FNBP1: variants seen among roughly 807,000 people sequenced by gnomAD.
FNBP1 encodes formin binding protein 1, also known as formin-binding protein 1.
A neutral mutation model predicts 90.6 loss-of-function variants in FNBP1; 26 were observed. That is an observed-to-expected ratio of 0.29 (90% confidence interval 0.21 to 0.40). The LOEUF is 0.40. Among genes scored for constraint, FNBP1 ranks in the 10% least tolerant of loss-of-function variants. FNBP1 has a pLI of 1.00. For missense variants in FNBP1, 635 were observed against 768.0 expected (o/e 0.83, Z 2.05); for synonymous variants, 260 against 265.2 (o/e 0.98, Z 0.19).
intron 1 of FNBP1, among the ~76,000 whole-genome samples, chr9:130,023,400 G>A (rs73672536): frequency 0.019 from 2,869 of 152,298 alleles, 102 homozygotes; most frequent in African/African-American, 0.066. Flanking sequence ...TTTAGAGAGA[G>A]CCAGGAGGTC....
intron 11 of FNBP1, among the ~76,000 whole-genome samples, chr9:129,913,140 G>A (rs905836526): frequency 3.3e-5 from 5 of 152,048 alleles, no homozygotes; most frequent in Non-Finnish European, 5.9e-5. Flanking sequence ...CCCGGGAGGC[G>A]GAGGATGCAG....
At chr9:129,970,024 G>A (rs1322056825) in intron 4 of FNBP1, among the ~76,000 whole-genome samples, 1 of 150,306 alleles carries the variant, frequency 6.7e-6, no homozygotes, top group East Asian at 1.9e-4. Flanking sequence ...GAGTAGCTGG[G>A]ACTACAGGCA....
chr9:129,905,549 A>G (rs1324513351), intron 12 of FNBP1, among the ~76,000 whole-genome samples: 1 of 151,914 alleles, frequency 6.6e-6, no homozygotes, highest in Non-Finnish European at 1.5e-5. Flanking sequence ...ACCTCAGATG[A>G]TCCACCCACC....
intron 10 of FNBP1, among the ~76,000 whole-genome samples, chr9:129,920,008 T>A (rs1312919443): frequency 2.6e-5 from 4 of 152,328 alleles, no homozygotes; most frequent in African/African-American, 9.6e-5. Flanking sequence ...TTTTTTGCAC[T>A]GCTATGTCCT....
chr9:129,897,645 G>C (rs1323801269), intron 15 of FNBP1, among the ~76,000 whole-genome samples: 1 of 151,856 alleles, frequency 6.6e-6, no homozygotes, highest in Non-Finnish European at 1.5e-5. Flanking sequence ...GCCTAGGCTG[G>C]AGTGCAGTGG....
intron 11 of FNBP1, among the ~76,000 whole-genome samples, chr9:129,912,410 C>CA (rs1460197028): frequency 6.6e-6 from 1 of 152,122 alleles, no homozygotes; most frequent in Non-Finnish European, 1.5e-5. Flanking sequence ...AAATCTAGGC[C>CA]AGGCGCGGTA....
intron 1 of FNBP1, among the ~76,000 whole-genome samples, chr9:130,038,949 GAACT>G (rs2059590179): frequency 6.6e-6 from 1 of 151,988 alleles, no homozygotes; most frequent in Admixed American, 6.6e-5. Context: ...ATAAAAAGCT[GAACT>G]AACACTTCAG....
At chr9:129,927,416 T>TA in intron 7 of FNBP1, 75 bp from the exon 8 acceptor site, 1 of 1,439,204 alleles carries the variant, frequency 6.9e-7, no homozygotes, top group Non-Finnish European at 9.6e-7. Flanking sequence ...GCAGCATTGT[T>TA]ACCTCTAACA....
intron 16 of FNBP1, chr9:129,895,345 G>A: frequency 1.9e-6 from 2 of 1,066,766 alleles, no homozygotes; most frequent in Non-Finnish European, 2.3e-6. Context: ...CCAAGTGAAT[G>A]AGTATACAAT....
chr9:130,034,015 CAA>C (rs369731296), intron 1 of FNBP1, among the ~76,000 whole-genome samples: 27 of 102,170 alleles, frequency 2.6e-4, no homozygotes, highest in Non-Finnish European at 3.4e-4. Flanking sequence ...GACTCTGTCT[CAA>C]AAAAAAAAAA....
intron 2 of FNBP1, among the ~76,000 whole-genome samples, chr9:129,992,921 TAAA>T (rs977580384): frequency 8.7e-6 from 1 of 114,816 alleles, no homozygotes; most frequent in Non-Finnish European, 1.8e-5. Flanking sequence ...TGAAGAAAAT[TAAA>T]AAAAAAAAAA....
intron 11 of FNBP1, among the ~76,000 whole-genome samples, chr9:129,915,620 T>G (rs1018956533): frequency 6.6e-6 from 1 of 152,146 alleles, no homozygotes; most frequent in Non-Finnish European, 1.5e-5. Context: ...CACCTTGGCC[T>G]CCCAAAGTGC....
chr9:129,963,655 C>A (rs985613225), intron 4 of FNBP1, among the ~76,000 whole-genome samples: 1 of 149,038 alleles, frequency 6.7e-6, no homozygotes, highest in African/African-American at 2.5e-5. Flanking sequence ...GTCTCTGTCA[C>A]CCATGCTGGA....
chr9:129,956,579 G>A (rs2046974639), intron 6 of FNBP1, among the ~76,000 whole-genome samples: 1 of 152,184 alleles, frequency 6.6e-6, no homozygotes, highest in Non-Finnish European at 1.5e-5. Context: ...GCTTTTGAGA[G>A]GACTGAAATA....
chr9:129,895,811 TATGG>T, intron 16 of FNBP1, 23 bp downstream of exon 16: 1 of 1,513,166 alleles, frequency 6.6e-7, no homozygotes, highest in Non-Finnish European at 8.8e-7. Context: ...TTTTTTTTTT[TATGG>T]TATTAAATAT....
intron 3 of FNBP1, 94 bp from the exon 4 acceptor site, chr9:129,978,706 T>C: frequency 7.8e-7 from 1 of 1,279,892 alleles, no homozygotes. Context: ...AAAATCAGGT[T>C]AATTGGCATC....
At chr9:129,926,917 G>GAAAAAT (rs1031184304) in intron 8 of FNBP1, among the ~76,000 whole-genome samples, 5 of 150,626 alleles carry the variant, frequency 3.3e-5, no homozygotes, top group Middle Eastern at 3.4e-3. Context: ...AAAAGAAAAA[G>GAAAAAT]AAAAAGAGAA....
At chr9:129,909,761 C>T (rs185758677) in intron 11 of FNBP1, among the ~76,000 whole-genome samples, 31 of 152,254 alleles carry the variant, frequency 2.0e-4, no homozygotes, top group African/African-American at 6.7e-4. Context: ...GTAGCTGGGA[C>T]TACAGGCATG....
chr9:129,889,864 G>A lies in FNBP1; in HGVS notation c.*675C>T, dbSNP rs2034958025. 8.6e-6 allele frequency: 2 copies of A among 233,410 alleles called. No homozygotes were observed. Among genetic ancestry groups the A allele is most frequent in the Non-Finnish European group, 1.7e-5 (2 of 118,092 alleles). 14.5% of individuals were successfully genotyped at this position (233,410 alleles called of 1,614,324 possible). ...AACAGGGCGTCAAACCAAAATGTGT[G>A]TATGCGCACGCGTGTGTACTGGTGG... On this transcript the variant is annotated 3_prime_UTR_variant, in exon 17 of 17. Transcript: ENST00000446176.
Sources: gnomAD v4.1 joint callset for allele counts (sites outside exome capture counted in the v4.1 genomes callset) on GRCh38, gnomAD v4.1.1 for gene constraint, MANE v1.5 for transcripts, NCBI Gene and HGNC (gene_info 2026-07-23, HGNC 2026-07-21) for gene names.